Variants in F8 observed in about 807,000 individuals in gnomAD.
F8 encodes coagulation factor VIII.
Under a neutral mutation model 140.6 loss-of-function variants are expected in F8, and 12 were observed. That is an observed-to-expected ratio of 0.09 (90% CI 0.05 to 0.14). The LOEUF is 0.14. Ranked by LOEUF, F8 falls within the 10% of genes least tolerant of loss-of-function variation. The pLI is 1.00. For synonymous variants in F8, 585 were observed against 614.6 expected, an observed-to-expected ratio of 0.95 and a Z score of 0.71; for missense variants, 1,354 against 1,720.7, an observed-to-expected ratio of 0.79 and a Z score of 3.77.
chrX:154,900,691 A>AT (rs1370391224), intron 20 of F8, among the ~76,000 whole-genome samples: 16 of 110,954 alleles, frequency 1.4e-4, no homozygotes, highest in East Asian at 2.8e-4. Flanking sequence ...TTTCAAGAGG[A>AT]TTTTTTTTTA....
At chrX:154,958,112 T>A (rs990342713) in intron 10 of F8, among the ~76,000 whole-genome samples, 1 of 110,957 alleles carries the variant, frequency 9.0e-6, no homozygotes, top group East Asian at 2.8e-4. Context: ...GGTCTTTTCA[T>A]AGGACACATG....
chrX:154,982,379 C>CGG (rs2073531248), intron 6 of F8, among the ~76,000 whole-genome samples: 1 of 93,316 alleles, frequency 1.1e-5, no homozygotes, highest in South Asian at 5.5e-4. Flanking sequence ...CCCCGGGGGG[C>CGG]AGAGCCTGCA....
intron 22 of F8, among the ~76,000 whole-genome samples, chrX:154,866,261 A>G (rs1365022018): frequency 1.8e-5 from 2 of 112,254 alleles, no homozygotes; most frequent in Non-Finnish European, 3.8e-5. Context: ...AAACATTGAC[A>G]GACATGGAAG....
chrX:154,913,609 C>T (rs2073079323), intron 14 of F8, among the ~76,000 whole-genome samples: 1 of 112,748 alleles, frequency 8.9e-6, no homozygotes, highest in African/African-American at 3.2e-5. Context: ...GAGAAATTGG[C>T]CAAAACAAAG....
At chrX:154,944,078 C>T (rs2073287268) in intron 13 of F8, among the ~76,000 whole-genome samples, 1 of 111,463 alleles carries the variant, frequency 9.0e-6, no homozygotes, top group African/African-American at 3.3e-5. Flanking sequence ...AGAAGAAAAC[C>T]TAGGCAATAC....
At chrX:154,924,188 T>G (rs782401948) in intron 14 of F8, among the ~76,000 whole-genome samples, 5 of 111,201 alleles carry the variant, frequency 4.5e-5, no homozygotes, top group Non-Finnish European at 5.7e-5. Context: ...ACTAATACAG[T>G]AAGTTGGTAC....
chrX:154,903,495 G>A (rs2073020556), intron 18 of F8, among the ~76,000 whole-genome samples: 1 of 111,525 alleles, frequency 9.0e-6, no homozygotes. Flanking sequence ...TATTTTAAAG[G>A]GACAGTGAAG....
intron 14 of F8, among the ~76,000 whole-genome samples, chrX:154,922,592 G>A (rs929333027): frequency 8.9e-6 from 1 of 112,331 alleles, no homozygotes; most frequent in East Asian, 2.8e-4. Context: ...TACATACAGT[G>A]TTCAGGGAAA....
At chrX:154,936,330 A>C (rs2073225086) in intron 13 of F8, among the ~76,000 whole-genome samples, 1 of 112,126 alleles carries the variant, frequency 8.9e-6, no homozygotes. Context: ...ACTACAGAAA[A>C]TGTTAAAAAA....
At chrX:154,848,586 C>T (rs1387728456) in intron 25 of F8, among the ~76,000 whole-genome samples, 1 of 112,386 alleles carries the variant, frequency 8.9e-6, no homozygotes, top group Non-Finnish European at 1.9e-5. Flanking sequence ...CCCTCTGAGC[C>T]AGGTGCAGGA....
intron 3 of F8, among the ~76,000 whole-genome samples, chrX:154,993,676 T>A (rs1413782530): frequency 2.7e-5 from 3 of 112,555 alleles, no homozygotes; most frequent in Non-Finnish European, 5.6e-5. Flanking sequence ...AGGTTCTGGT[T>A]GATATCTCCA....
At chrX:154,974,946 T>C (rs1461667996) in intron 6 of F8, among the ~76,000 whole-genome samples, 3 of 112,086 alleles carry the variant, frequency 2.7e-5, no homozygotes, top group African/African-American at 9.7e-5. Context: ...TCCTTTTTCA[T>C]GTCTGATTTA....
chrX:154,936,388 G>A (rs143034424), intron 13 of F8, among the ~76,000 whole-genome samples: 72 of 111,634 alleles, frequency 6.4e-4, no homozygotes, highest in African/African-American at 2.3e-3. Flanking sequence ...AGAAAAGAAT[G>A]GGAAATATAT....
rs2073367300 is a variant in F8 at position 154,956,867 on chromosome X, A to G, written c.1752+90T>C. ...AAAGCTAAGCTCATTTCTTTTACTG[A>G]CCTATATTGCAAACCATTATATTTT... is the stretch of plus-strand genomic sequence containing the variant. On this transcript the variant is annotated intron_variant, in intron 11 of 25. Transcript: ENST00000360256. 1.5e-5 allele frequency: 12 copies of G among 777,397 alleles called. No homozygotes were observed. The Admixed American group carries it at 2.4e-4, about 16-fold the overall frequency. 64.1% of individuals were successfully genotyped at this position (777,397 alleles called of 1,213,427 possible). A position where few individuals can be genotyped will look rare whatever the true frequency, so the allele number is the denominator to read the frequency against.
intron 14 of F8, among the ~76,000 whole-genome samples, chrX:154,913,326 T>C (rs1246851203): frequency 1.8e-5 from 2 of 110,816 alleles, no homozygotes; most frequent in Admixed American, 1.9e-4. Context: ...CAAGATGAGA[T>C]TTGGGTGGGG....
chrX:154,941,559 T>C (rs2073264506), intron 13 of F8, among the ~76,000 whole-genome samples: 1 of 109,614 alleles, frequency 9.1e-6, no homozygotes, highest in African/African-American at 3.3e-5. Flanking sequence ...TCCCACACAA[T>C]AATAATGGGA....
intron 22 of F8, among the ~76,000 whole-genome samples, chrX:154,864,000 G>A (rs1183144024): frequency 8.9e-6 from 1 of 111,785 alleles, no homozygotes; most frequent in African/African-American, 3.3e-5. Context: ...CACTACCATG[G>A]TCTTGGGGAA....
intron 6 of F8, among the ~76,000 whole-genome samples, chrX:154,976,941 T>C (rs1172532675): frequency 8.9e-6 from 1 of 111,765 alleles, no homozygotes; most frequent in Admixed American, 9.4e-5. Context: ...TTTCTAGTTG[T>C]TGTGTAGATC....
At chrX:154,850,194 T>C (rs1182454441) in intron 25 of F8, among the ~76,000 whole-genome samples, 1 of 108,527 alleles carries the variant, frequency 9.2e-6, no homozygotes, top group Non-Finnish European at 1.9e-5. Context: ...GATGGCGCGA[T>C]CTGGGCTCAC....
Sources: allele counts gnomAD v4.1 joint callset (sites outside exome capture counted in the v4.1 genomes callset), GRCh38; gene constraint gnomAD v4.1.1; transcripts MANE v1.5; gene names NCBI Gene and HGNC (gene_info 2026-07-23, HGNC 2026-07-21).